THEMIS: variants seen among roughly 807,000 people sequenced by gnomAD.
THEMIS encodes the protein protein THEMIS.
A neutral mutation model predicts 52.6 loss-of-function variants in THEMIS; 37 were observed. The observed-to-expected ratio is 0.70, with a 90% CI of 0.54 to 0.93. The LOEUF (loss-of-function observed/expected upper bound fraction) is 0.93, where lower values mean the gene tolerates loss of function less well. THEMIS is among the 40% of genes least tolerant of loss of function. The pLI, the probability that THEMIS is intolerant of heterozygous loss-of-function variation, is 0.00. For missense variants in THEMIS, 808 were observed against 763.1 expected (o/e 1.06, Z -0.69); for synonymous variants, 292 against 272.7 (o/e 1.07, Z -0.70).
chr6:127,745,509 C>T (rs894536837), intron 4 of THEMIS, among the ~76,000 whole-genome samples: 8 of 151,768 alleles, frequency 5.3e-5, no homozygotes, highest in Admixed American at 3.3e-4. Context: ...ACCTGTACTA[C>T]GATATCAAAC....
chr6:127,764,326 A>AT (rs143455507), intron 4 of THEMIS, among the ~76,000 whole-genome samples: 23,527 of 149,122 alleles, frequency 0.16, 2,047 homozygotes, highest in African/African-American at 0.23. Flanking sequence ...ATCTTGAGGC[A>AT]TTTTTTTTTT....
At chr6:127,781,895 GTC>G (rs1215406042) in intron 4 of THEMIS, among the ~76,000 whole-genome samples, 1 of 152,184 alleles carries the variant, frequency 6.6e-6, no homozygotes, top group East Asian at 1.9e-4. Context: ...TGAGGAGGCA[GTC>G]TGTCCCTTAG....
At chr6:127,845,648 A>G (rs746172664) in intron 2 of THEMIS, among the ~76,000 whole-genome samples, 11 of 152,052 alleles carry the variant, frequency 7.2e-5, no homozygotes, top group Non-Finnish European at 1.5e-4. Flanking sequence ...TCACACTTGC[A>G]TGGTTGTCTC....
chr6:127,703,980 T>C (rs982403547), downstream of THEMIS, among the ~76,000 whole-genome samples: 1 of 152,176 alleles, frequency 6.6e-6, no homozygotes, highest in Non-Finnish European at 1.5e-5. Context: ...TGCTGCATCC[T>C]TACATGGCAG....
intron 2 of THEMIS, among the ~76,000 whole-genome samples, chr6:127,831,596 C>T (rs1583327408): frequency 6.6e-6 from 1 of 152,108 alleles, no homozygotes. Flanking sequence ...TTTTTGGTTA[C>T]TGTTCAAAGA....
At chr6:127,868,250 AC>A (rs1313769010) in intron 1 of THEMIS, among the ~76,000 whole-genome samples, 1 of 152,124 alleles carries the variant, frequency 6.6e-6, no homozygotes, top group African/African-American at 2.4e-5. Flanking sequence ...TTATTATTTT[AC>A]ATGATGTTTA....
At chr6:127,871,815 C>T (rs1287658376) in intron 1 of THEMIS, among the ~76,000 whole-genome samples, 1 of 152,030 alleles carries the variant, frequency 6.6e-6, no homozygotes, top group Non-Finnish European at 1.5e-5. Context: ...TTATAAAACT[C>T]CCAAAAAAGA....
At chr6:127,805,117 C>T (rs548343837) in intron 4 of THEMIS, among the ~76,000 whole-genome samples, 7 of 152,136 alleles carry the variant, frequency 4.6e-5, no homozygotes, top group African/African-American at 1.7e-4. Flanking sequence ...TTGTAGTCAA[C>T]AGCCTTCTGA....
chr6:127,906,710 A>G (rs1050631428), intron 1 of THEMIS, among the ~76,000 whole-genome samples: 1 of 151,994 alleles, frequency 6.6e-6, no homozygotes, highest in African/African-American at 2.4e-5. Flanking sequence ...TCTTGCTACT[A>G]CTTAACACAT....
chr6:127,781,408 C>T (rs35898325), intron 4 of THEMIS, among the ~76,000 whole-genome samples: 9,361 of 152,002 alleles, frequency 0.062, 377 homozygotes, highest in African/African-American at 0.1. Flanking sequence ...TCGTCAAACT[C>T]ATTCTCCATC....
chr6:127,716,076 T>C (rs1256191928), intron 5 of THEMIS, among the ~76,000 whole-genome samples: 2 of 151,864 alleles, frequency 1.3e-5, no homozygotes, highest in Non-Finnish European at 1.5e-5. Flanking sequence ...TGTAAAGTTG[T>C]AGGGAAAATT....
Position 127,787,886 on chromosome 6 carries a change from TAG to T in THEMIS, c.1758+24995_1758+24996del, listed in dbSNP as rs1272712599. 1.0e-4 allele frequency among the ~76,000 whole-genome samples: 15 copies of T among 149,750 alleles called. 1 individual carries two copies. The highest frequency in any genetic ancestry group is 3.0e-4 in the African/African-American group (12 of 40,564). Reference sequence around the variant, plus strand: ...AGATAGATAGATAGATAGATATAGATAGATAGATAGATAGATAGATAGATAGA... The same window carrying T: ...AGATAGATAGATAGATAGATATAGATATAGATAGATAGATAGATAGATAGA... On this transcript the variant is annotated intron_variant, in intron 4 of 5. Transcript: ENST00000368248.
intron 4 of THEMIS, among the ~76,000 whole-genome samples, chr6:127,792,721 T>C (rs936069366): frequency 1.3e-5 from 2 of 152,196 alleles, no homozygotes; most frequent in African/African-American, 4.8e-5. Context: ...GAGATTTAGT[T>C]TTCATAATAG....
chr6:127,747,904 A>T (rs1360346521), intron 4 of THEMIS, among the ~76,000 whole-genome samples: 1 of 152,134 alleles, frequency 6.6e-6, no homozygotes, highest in Non-Finnish European at 1.5e-5. Context: ...ACACACACAT[A>T]CACTTTTGCA....
rs913937723 is a variant in THEMIS at position 127,848,776 on chromosome 6, GT to G, written c.250+6253del. ...TGCCCACTTTTTGATGGGATTGTTT[GT>G]TTTTTTCTTGTAAATTTGTTTGAAT... On this transcript the variant is annotated intron_variant, in intron 2 of 5. Transcript: ENST00000368248. 7.2e-5 allele frequency among the ~76,000 whole-genome samples: 11 copies of G among 152,048 alleles called. No homozygotes were observed. In the East Asian group the frequency reaches 1.4e-3, roughly 19 times the overall value.
rs1273175978 is a variant in THEMIS at position 127,709,867 on chromosome 6, A to AT, written c.*117dup. ...TAAGGTTGTTCTTTCCTTTGCAGCG[A>AT]TGAATCAAGTTTCTTCTGGAGTCCA... On this transcript the variant is annotated 3_prime_UTR_variant, in exon 6 of 6. Coordinates refer to ENST00000368248, the MANE Select transcript of THEMIS (RefSeq NM_001010923.3). 24 of 831,378 alleles carry AT rather than the reference A, an allele frequency of 2.9e-5. No homozygotes were observed. Among genetic ancestry groups the AT allele is most frequent in the Non-Finnish European group, 4.2e-5 (22 of 528,408 alleles). 51.5% of individuals were successfully genotyped at this position (831,378 alleles called of 1,614,324 possible). A position where few individuals can be genotyped will look rare whatever the true frequency, so the allele number is the denominator to read the frequency against.
chr6:127,734,896 A>ATATAT (rs1554216673), intron 4 of THEMIS, among the ~76,000 whole-genome samples: 1 of 65,440 alleles, frequency 1.5e-5, no homozygotes, highest in South Asian at 5.5e-4. Context: ...AAAAAAAAAA[A>ATATAT]ATATATATAT....
At chr6:127,799,487 T>A (rs904448726) in intron 4 of THEMIS, among the ~76,000 whole-genome samples, 1 of 152,192 alleles carries the variant, frequency 6.6e-6, no homozygotes, top group African/African-American at 2.4e-5. Flanking sequence ...TTTGCAAAGA[T>A]AAGAAATGAG....
At chr6:127,703,047 T>G in the THEMIS span, among the ~76,000 whole-genome samples, 2 of 113,690 alleles carry the variant, frequency 1.8e-5, no homozygotes. Context: ...TTTTTTTTTT[T>G]TTTTTTTTTT....
Sources: gnomAD v4.1 joint callset for allele counts (sites outside exome capture counted in the v4.1 genomes callset) on GRCh38, gnomAD v4.1.1 for gene constraint, MANE v1.5 for transcripts, NCBI Gene and HGNC (gene_info 2026-07-23, HGNC 2026-07-21) for gene names.